NISCH: variants seen among roughly 807,000 people sequenced by gnomAD.
NISCH encodes the protein nischarin, also known as I-1 receptor candidate protein.
Under a neutral mutation model 138.4 loss-of-function variants are expected in NISCH, and 55 were observed. The observed-to-expected ratio is 0.40, with a 90% CI of 0.32 to 0.50. The LOEUF is 0.50. Among genes scored for constraint, NISCH ranks in the 20% least tolerant of loss-of-function variants. The pLI, the probability that NISCH is intolerant of heterozygous loss-of-function variation, is 0.71. For missense variants in NISCH, 1,643 were observed against 2,005.5 expected, an observed-to-expected ratio of 0.82 and a Z score of 3.45; for synonymous variants, 860 against 861.5, an observed-to-expected ratio of 1.00 and a Z score of 0.03.
intron 3 of NISCH, among the ~76,000 whole-genome samples, chr3:52,464,894 C>T (rs1049022089): frequency 2.6e-5 from 4 of 152,138 alleles, no homozygotes; most frequent in Non-Finnish European, 4.4e-5. Flanking sequence ...TCTCGAACTC[C>T]TGACCTTAGG....
intron 3 of NISCH, among the ~76,000 whole-genome samples, chr3:52,464,815 C>T (rs1249693435): frequency 2.0e-5 from 3 of 151,588 alleles, no homozygotes; most frequent in Non-Finnish European, 2.9e-5. Context: ...TGAGCCACCA[C>T]ATCCGGCCTG....
intron 13 of NISCH, chr3:52,480,589 C>T: frequency 7.0e-6 from 10 of 1,435,854 alleles, no homozygotes; most frequent in Non-Finnish European, 9.1e-6. Flanking sequence ...TCTGAACAGG[C>T]TCGGGGCTGT....
chr3:52,485,622 G>T (rs1707381889), intron 14 of NISCH, among the ~76,000 whole-genome samples, 156 bp from the exon 15 acceptor site: 1 of 152,006 alleles, frequency 6.6e-6, no homozygotes, highest in Non-Finnish European at 1.5e-5. Context: ...GTGGGCCCCA[G>T]GGTCCCAGAG....
Position 52,491,404 on chromosome 3 carries a change from G to A in NISCH, c.3795G>A (p.Thr1265=), listed in dbSNP as rs767487374. The change falls in exon 20 of 21, where the codon ACG becomes ACA. Residue 1265 remains threonine (T), a synonymous_variant. Coordinates refer to ENST00000345716, the MANE Select transcript of NISCH (RefSeq NM_007184.4). ...GCTTGACGCGGGACAGCTACCTGAC[G>A]CACTGCTTCCTCCAGCACCTCATGG... ...VTCLTRDSYL[T]HCFLQHLMVV... is the part of the protein sequence containing the mutation. The A allele has an allele frequency of 1.1e-5, 18 of 1,613,260 alleles. No individual in the cohort carries two copies. In the Admixed American group the frequency reaches 1.7e-4, roughly 15 times the overall value.
At chr3:52,475,825 CAG>C (rs2153231262) in intron 7 of NISCH, 1 of 152,672 alleles carries the variant, frequency 6.5e-6, no homozygotes, top group African/African-American at 2.4e-5. Context: ...GCCTGGGTGA[CAG>C]AGTGAGACTG....
intron 19 of NISCH, 117 bp downstream of exon 19, chr3:52,490,950 A>C: frequency 7.0e-7 from 1 of 1,422,372 alleles, no homozygotes; most frequent in South Asian, 1.3e-5. Flanking sequence ...CTCAAGAGCC[A>C]CTTCTTAACC....
At position 52,488,149 on chromosome 3, in the gene NISCH, T is replaced by A. The variant is rs890743752; in HGVS notation, c.2657T>A (p.Leu886His). 17 of 1,613,094 alleles carry A rather than the reference T, an allele frequency of 1.1e-5. No individual in the cohort carries two copies. Among genetic ancestry groups the A allele is most frequent in the Admixed American group, 3.3e-5 (2 of 59,986 alleles). Residue 886 changes from leucine to histidine, a missense_variant, in exon 16 of 21, where the codon CTC becomes CAC. Physicochemically the swap from Leu to His is moderately conservative, Grantham distance 99. Transcript: ENST00000345716. ...SGNIEWASCTLCSAVRRSCCA... is the reference protein window; with the variant it reads ...SGNIEWASCTHCSAVRRSCCA... Reference sequence around the variant, plus strand: ...AACATCGAGTGGGCCAGCTGCACACTCTGTTCAGCCGTGCGGCGCTCCTGC... The same window carrying A: ...AACATCGAGTGGGCCAGCTGCACACACTGTTCAGCCGTGCGGCGCTCCTGC...
intron 13 of NISCH, 134 bp downstream of exon 13, chr3:52,480,429 G>A: frequency 1.3e-6 from 2 of 1,547,164 alleles, no homozygotes; most frequent in Non-Finnish European, 1.7e-6. Context: ...AGTGCCTTCT[G>A]CAGGCTGGTC....
chr3:52,469,531 C>G (rs895842785), intron 3 of NISCH, among the ~76,000 whole-genome samples: 2 of 152,164 alleles, frequency 1.3e-5, no homozygotes, highest in Non-Finnish European at 2.9e-5. Context: ...ACTTGGGAGG[C>G]CGAGGTGGGG....
rs1404593293 is a variant in NISCH, at chr3:52,457,917, G to T, written c.168G>T (p.Leu56=). The T allele has an allele frequency of 3.7e-6, 6 of 1,606,062 alleles. No homozygotes were observed. The highest frequency in any genetic ancestry group is 5.1e-6 in the Non-Finnish European group (6 of 1,173,220). Residue 56 remains leucine (L), a synonymous_variant, in exon 2 of 21, where the codon CTG becomes CTT. Transcript: ENST00000345716. ...VKHRYSDFHD[L]HEKLVAERKI... ...ACCGCTACAGCGACTTCCATGACCT[G>T]CATGAAAAGGTAACTGTTAAGAGCT...
chr3:52,487,427 AGAG>A lies in NISCH; in HGVS notation c.1941_1943del (p.Glu647del). The A allele has an allele frequency of 1.9e-6, 3 of 1,610,896 alleles. No homozygotes were observed. The highest frequency in any genetic ancestry group is 2.5e-6 in the Non-Finnish European group (3 of 1,177,570). ...AGGAGGAGGATGAGGAGGAGGAAGA[AGAG>A]GAGGACGTGGCTGAGAACCGCTACT... On this transcript the variant is annotated inframe_deletion, in exon 16 of 21. Coordinates refer to ENST00000345716, the MANE Select transcript of NISCH (RefSeq NM_007184.4). This position sits in a 1 kb window ranked among gnomAD's most constrained non-coding sequence, Gnocchi z 9.1.
At chr3:52,483,049 A>G (rs955859611) in intron 13 of NISCH, among the ~76,000 whole-genome samples, 1 of 152,140 alleles carries the variant, frequency 6.6e-6, no homozygotes, top group African/African-American at 2.4e-5. Context: ...GGTGAATAGG[A>G]GTTGAACGTT....
rs200063553 is a variant in NISCH, at chr3:52,491,907, C to A, written c.3940C>A (p.Arg1314Ser). Residue 1314 changes from arginine (R) to serine (S), a missense_variant, in exon 21 of 21, where the codon CGC becomes AGC. Coordinates refer to ENST00000345716, the MANE Select transcript of NISCH (RefSeq NM_007184.4). ...MENYELIHSS[R>S]VKFTYPSEEE... ...GAACTACGAGCTGATCCACTCTAGT[C>A]GCGTCAAGTTTACCTACCCCAGTGA... The A allele has an allele frequency of 1.9e-6, 3 of 1,610,678 alleles. No homozygotes were observed. The highest frequency in any genetic ancestry group is 1.3e-5 in the African/African-American group (1 of 75,018).
intron 13 of NISCH, chr3:52,481,059 G>A (rs1237263263): frequency 1.1e-5 from 15 of 1,330,706 alleles, no homozygotes; most frequent in Non-Finnish European, 1.4e-5. Context: ...TGGGAAAACA[G>A]TTCAACCCGA....
intron 20 of NISCH, 142 bp from the exon 21 acceptor site, chr3:52,491,730 C>T: frequency 8.3e-7 from 1 of 1,207,726 alleles, no homozygotes; most frequent in East Asian, 2.4e-5. Flanking sequence ...GCTTTGGGCT[C>T]CTGGCCTGTG....
chr3:52,465,420 A>T (rs1706754484), intron 3 of NISCH, among the ~76,000 whole-genome samples: 1 of 152,180 alleles, frequency 6.6e-6, no homozygotes. Flanking sequence ...GTGAGCCACC[A>T]CACCCAGCCT....
intron 3 of NISCH, among the ~76,000 whole-genome samples, chr3:52,469,507 C>T (rs1490941710): frequency 6.6e-6 from 1 of 152,212 alleles, no homozygotes. Context: ...TGGTTCACAC[C>T]TGCAATCCCA....
intron 3 of NISCH, 68 bp downstream of exon 3, chr3:52,458,912 C>T: frequency 7.2e-7 from 1 of 1,394,386 alleles, no homozygotes. Context: ...GGCAGCAAAC[C>T]AGGGGAGACC....
intron 13 of NISCH, 39 bp downstream of exon 13, chr3:52,480,334 A>G: frequency 6.2e-7 from 1 of 1,611,626 alleles, no homozygotes; most frequent in Non-Finnish European, 8.5e-7. Context: ...GGAGCCACAC[A>G]GCCCTGCCTG....
Sources: allele counts gnomAD v4.1 joint callset (sites outside exome capture counted in the v4.1 genomes callset), GRCh38; gene constraint gnomAD v4.1.1; non-coding constraint Gnocchi (gnomAD v3.1); transcripts MANE v1.5; gene names NCBI Gene and HGNC (gene_info 2026-07-23, HGNC 2026-07-21).